The following RALA variants were observed in gnomAD, a reference collection of about 807,000 sequenced individuals.
RALA encodes RAS like proto-oncogene A.
A neutral mutation model predicts 24.0 loss-of-function variants in RALA; 5 were observed. The observed-to-expected ratio is 0.21, with a 90% CI of 0.11 to 0.44. The LOEUF (loss-of-function observed/expected upper bound fraction) is 0.44. Ranked by LOEUF, RALA falls within the 20% of genes least tolerant of loss-of-function variation. RALA has a pLI of 0.99. For missense variants in RALA, 95 were observed against 241.2 expected (o/e 0.39, Z 4.01); for synonymous variants, 77 against 83.8 (o/e 0.92, Z 0.44).
intron 1 of RALA, among the ~76,000 whole-genome samples, chr7:39,636,329 G>A (rs555965387): frequency 6.8e-4 from 103 of 152,282 alleles, no homozygotes; most frequent in Non-Finnish European, 1.2e-3. Context: ...CACTGGAAGC[G>A]TATGAGAGTT....
chr7:39,680,135 C>A (rs1275371981), intron 1 of RALA, among the ~76,000 whole-genome samples: 1 of 151,972 alleles, frequency 6.6e-6, no homozygotes, highest in African/African-American at 2.4e-5. Flanking sequence ...TTTGGGAGGC[C>A]AAGGCAGGCA....
intron 1 of RALA, among the ~76,000 whole-genome samples, chr7:39,632,845 G>C (rs1263786977): frequency 1.3e-5 from 2 of 152,070 alleles, no homozygotes; most frequent in African/African-American, 4.8e-5. Flanking sequence ...TTTAACAAAA[G>C]ATACTTAAGG....
rs540767423 is a variant in RALA at position 39,692,587 on chromosome 7, G to A, written c.323+1997G>A. ...TTACTTTTCTCTGACATCCAGCAAA[G>A]TTGCTAGTAAAACCAATCTATTAAC... On this transcript the variant is annotated intron_variant, in intron 3 of 4. Coordinates refer to ENST00000005257, the MANE Select transcript of RALA (RefSeq NM_005402.4). 4.1e-4 allele frequency among the ~76,000 whole-genome samples: 62 copies of A among 152,244 alleles called. 1 individual carries two copies. Among genetic ancestry groups the A allele is most frequent in the Admixed American group, 3.8e-3 (58 of 15,284 alleles).
intron 1 of RALA, among the ~76,000 whole-genome samples, chr7:39,624,651 A>C (rs1253557856): frequency 6.6e-6 from 1 of 152,096 alleles, no homozygotes; most frequent in African/African-American, 2.4e-5. Flanking sequence ...CGGAAACCTG[A>C]ATGTCCAGAC....
rs1269653374 is a variant in RALA at position 39,708,024 on chromosome 7, A to C, written c.*1779A>C. The C allele has an allele frequency of 6.6e-6, 1 of 152,658 alleles. No homozygotes were observed. The highest frequency in any genetic ancestry group is 1.5e-5 in the Non-Finnish European group (1 of 68,038). 9.5% of individuals were successfully genotyped at this position (152,658 alleles called of 1,614,324 possible). ...TACTGAGGTGCTATGAAGCCAACTG[A>C]CAAAGATGCATCACGTGTCTTAGGC... On this transcript the variant is annotated 3_prime_UTR_variant, in exon 5 of 5. Transcript: ENST00000005257.
At chr7:39,653,433 C>A (rs1011449469) in intron 1 of RALA, among the ~76,000 whole-genome samples, 1 of 152,122 alleles carries the variant, frequency 6.6e-6, no homozygotes, top group African/African-American at 2.4e-5. Context: ...TTAAGCCATT[C>A]TCCTACCTCA....
In RALA at chr7:39,702,566, A is replaced by G. The variant is rs1464190528; in HGVS notation, c.499-3557A>G. Among the ~76,000 whole-genome samples, 3 of 152,200 alleles carry G rather than the reference A, an allele frequency of 2.0e-5. No homozygotes were observed. The South Asian group carries it at 6.2e-4, about 31-fold the overall frequency. On this transcript the variant is annotated intron_variant, in intron 4 of 4. Coordinates refer to ENST00000005257, the MANE Select transcript of RALA (RefSeq NM_005402.4). ...AGCCATTTTCCTATTAATGACATTT[A>G]TTTGTTACAGCAGTGTTCACAATAG...
At chr7:39,669,964 T>A (rs1045965924) in intron 1 of RALA, among the ~76,000 whole-genome samples, 5 of 152,198 alleles carry the variant, frequency 3.3e-5, no homozygotes, top group Admixed American at 6.5e-5. Context: ...GGCTGCATTT[T>A]TTAAAATTAA....
intron 1 of RALA, among the ~76,000 whole-genome samples, chr7:39,660,490 TTCTG>T (rs1252941748): frequency 6.6e-6 from 1 of 152,206 alleles, no homozygotes; most frequent in Non-Finnish European, 1.5e-5. Flanking sequence ...CTTATTTCTT[TTCTG>T]TCTCTCTTTT....
intron 1 of RALA, among the ~76,000 whole-genome samples, chr7:39,637,132 A>G (rs1791696204): frequency 6.6e-6 from 1 of 152,252 alleles, no homozygotes; most frequent in Admixed American, 6.5e-5. Context: ...GGAATTATTC[A>G]TAGTGAATAC....
At chr7:39,680,400 A>C (rs7802286) in intron 1 of RALA, among the ~76,000 whole-genome samples, 27 of 146,584 alleles carry the variant, frequency 1.8e-4, no homozygotes, top group African/African-American at 2.6e-4. Flanking sequence ...AACAAAAAAA[A>C]CACAAATATA....
At chr7:39,643,849 G>A (rs754806236) in intron 1 of RALA, among the ~76,000 whole-genome samples, 28 of 152,174 alleles carry the variant, frequency 1.8e-4, no homozygotes, top group Middle Eastern at 3.4e-3. Context: ...ACAAAGTTGA[G>A]ACTTCATCTC....
At chr7:39,670,127 A>G (rs1255756521) in intron 1 of RALA, among the ~76,000 whole-genome samples, 2 of 152,236 alleles carry the variant, frequency 1.3e-5, no homozygotes, top group Non-Finnish European at 2.9e-5. Context: ...GATTAGATCT[A>G]TTAAACATCT....
chr7:39,703,148 CAG>C (rs1190955230), intron 4 of RALA: 1 of 152,188 alleles, frequency 6.6e-6, no homozygotes, highest in African/African-American at 2.4e-5. Flanking sequence ...AAAATAAAAT[CAG>C]AAATTAAACC....
At chr7:39,685,907 C>G (rs1038830450) in intron 1 of RALA, among the ~76,000 whole-genome samples, 1 of 152,064 alleles carries the variant, frequency 6.6e-6, no homozygotes, top group African/African-American at 2.4e-5. Context: ...GTTTCTTACT[C>G]AAGAGAAACA....
At chr7:39,661,779 A>C (rs1356467370) in intron 1 of RALA, among the ~76,000 whole-genome samples, 8 of 152,250 alleles carry the variant, frequency 5.3e-5, no homozygotes. Context: ...TCTGGAGGAC[A>C]GTGGCCCTCT....
At chr7:39,694,187 G>A (rs55860440) in intron 3 of RALA, among the ~76,000 whole-genome samples, 2,891 of 152,204 alleles carry the variant, frequency 0.019, 109 homozygotes, top group African/African-American at 0.067. Flanking sequence ...TTATGATATG[G>A]CACCATACAG....
At chr7:39,705,134 G>C (rs995527537) in intron 4 of RALA, among the ~76,000 whole-genome samples, 1 of 152,044 alleles carries the variant, frequency 6.6e-6, no homozygotes, top group Non-Finnish European at 1.5e-5. Flanking sequence ...TGTTCTTTGT[G>C]CAAGGGCGAA....
chr7:39,694,351 A>G (rs565515909), intron 3 of RALA, among the ~76,000 whole-genome samples: 40 of 152,336 alleles, frequency 2.6e-4, no homozygotes, highest in African/African-American at 9.1e-4. Context: ...CAGGTTGTGC[A>G]GTCAGGAATA....
Sources: gnomAD v4.1 joint callset for allele counts (sites outside exome capture counted in the v4.1 genomes callset) on GRCh38, gnomAD v4.1.1 for gene constraint, MANE v1.5 for transcripts, NCBI Gene and HGNC (gene_info 2026-07-23, HGNC 2026-07-21) for gene names.